The following TRHDE variants were observed in gnomAD, a reference collection of about 807,000 sequenced individuals.
TRHDE encodes the protein thyrotropin releasing hormone degrading enzyme, also known as thyrotropin-releasing hormone-degrading ectoenzyme.
Under a neutral mutation model 125.7 loss-of-function variants are expected in TRHDE, and 72 were observed. The ratio of observed to expected loss-of-function variants is 0.57; its 90% CI spans 0.47 to 0.70. The LOEUF (loss-of-function observed/expected upper bound fraction) is 0.70, where lower values mean the gene tolerates loss of function less well. TRHDE is among the 30% of genes least tolerant of loss of function. The pLI is 0.00. For synonymous variants in TRHDE, 509 were observed against 509.1 expected (o/e 1.00, Z 0.00); for missense variants, 1,110 against 1,327.1 (o/e 0.84, Z 2.54).
intron 4 of TRHDE, among the ~76,000 whole-genome samples, chr12:72,472,495 CA>C (rs2135901082): frequency 6.6e-6 from 1 of 152,236 alleles, no homozygotes; most frequent in East Asian, 1.9e-4. Flanking sequence ...TGAGGGACCT[CA>C]AAAACCCTTA....
intron 18 of TRHDE, among the ~76,000 whole-genome samples, chr12:72,660,220 C>T (rs1162646276): frequency 6.6e-6 from 1 of 152,168 alleles, no homozygotes; most frequent in African/African-American, 2.4e-5. Flanking sequence ...ACTATTTCTT[C>T]TACTGCTATC....
intron 2 of TRHDE, among the ~76,000 whole-genome samples, chr12:72,165,716 C>T (rs1876731253): frequency 6.6e-6 from 1 of 151,794 alleles, no homozygotes; most frequent in Admixed American, 6.6e-5. Flanking sequence ...CTCTATCGCC[C>T]AGGCTGGAGG....
intron 3 of TRHDE, among the ~76,000 whole-genome samples, chr12:72,416,861 C>T (rs1243321066): frequency 6.6e-5 from 10 of 151,842 alleles, no homozygotes; most frequent in Non-Finnish European, 1.2e-4. Context: ...CTATTCTGTG[C>T]CTTTTGTGGT....
intron 2 of TRHDE, among the ~76,000 whole-genome samples, chr12:72,351,519 A>G (rs1190753193): frequency 2.0e-5 from 3 of 151,898 alleles, no homozygotes; most frequent in Non-Finnish European, 4.4e-5. Context: ...AGAAATTATG[A>G]AAGAGGCATT....
At chr12:72,601,864 ACTTT>A (rs1592565396) in intron 12 of TRHDE, among the ~76,000 whole-genome samples, 1 of 152,128 alleles carries the variant, frequency 6.6e-6, no homozygotes, top group Admixed American at 6.6e-5. Flanking sequence ...AAAATTTGTG[ACTTT>A]CTTTCTTATA....
At chr12:72,572,609 G>T (rs1022354244) in intron 10 of TRHDE, among the ~76,000 whole-genome samples, 2 of 151,912 alleles carry the variant, frequency 1.3e-5, no homozygotes, top group African/African-American at 4.8e-5. Context: ...CAGCGATCTC[G>T]TTTGTAACAA....
intron 7 of TRHDE, among the ~76,000 whole-genome samples, chr12:72,544,618 T>C (rs1435824446): frequency 6.6e-6 from 1 of 151,366 alleles, no homozygotes; most frequent in East Asian, 1.9e-4. Context: ...GACCTTAAAC[T>C]TCATGTTCCA....
intron 2 of TRHDE, chr12:72,257,285 A>G (rs1878841042): frequency 6.6e-6 from 1 of 152,178 alleles, no homozygotes; most frequent in Non-Finnish European, 1.5e-5. Context: ...ACTTTAGGTA[A>G]TGGGTTACAG....
At chr12:72,331,121 CT>C (rs1869574975) in intron 2 of TRHDE, among the ~76,000 whole-genome samples, 2 of 152,140 alleles carry the variant, frequency 1.3e-5, no homozygotes, top group African/African-American at 4.8e-5. Context: ...CTCATTTAAT[CT>C]TTACAAAACT....
intron 5 of TRHDE, 127 bp downstream of exon 5, chr12:72,473,307 A>T: frequency 1.6e-6 from 1 of 630,330 alleles, no homozygotes; most frequent in South Asian, 2.4e-5. Flanking sequence ...ATAAAGTGTA[A>T]CCAAAAATTG....
intron 3 of TRHDE, among the ~76,000 whole-genome samples, chr12:72,428,499 C>T (rs1238266288): frequency 2.6e-5 from 4 of 151,856 alleles, no homozygotes; most frequent in Non-Finnish European, 5.9e-5. Flanking sequence ...AATGACAAAG[C>T]CTGGATTAAT....
intron 15 of TRHDE, among the ~76,000 whole-genome samples, chr12:72,634,277 A>G (rs1370779540): frequency 6.6e-6 from 1 of 152,164 alleles, no homozygotes; most frequent in East Asian, 1.9e-4. Context: ...ATAGAAAGAA[A>G]TGAGAATAGA....
At chr12:72,167,882 T>C (rs1387476253) in intron 2 of TRHDE, among the ~76,000 whole-genome samples, 1 of 152,202 alleles carries the variant, frequency 6.6e-6, no homozygotes, top group African/African-American at 2.4e-5. Context: ...CCTAAGTATC[T>C]AAGAGAAGAC....
At chr12:72,238,315 T>TACAC (rs1180837379) in intron 2 of TRHDE, among the ~76,000 whole-genome samples, 3 of 32,024 alleles carry the variant, frequency 9.4e-5, no homozygotes, top group African/African-American at 3.6e-4. Context: ...TATATATATA[T>TACAC]ATATATACAT....
intron 6 of TRHDE, among the ~76,000 whole-genome samples, chr12:72,533,314 A>G (rs984941021): frequency 3.3e-5 from 5 of 152,056 alleles, no homozygotes; most frequent in Non-Finnish European, 5.9e-5. Flanking sequence ...AGCTGGAACT[A>G]CAGGTGTGCA....
At chr12:72,397,940 G>A (rs1408423851) in intron 3 of TRHDE, among the ~76,000 whole-genome samples, 1 of 150,638 alleles carries the variant, frequency 6.6e-6, no homozygotes, top group East Asian at 2.0e-4. Context: ...CCACTAACTC[G>A]TCATCTAGCA....
intron 12 of TRHDE, chr12:72,582,380 A>G (rs982894266): frequency 1.4e-5 from 14 of 985,272 alleles, no homozygotes; most frequent in Non-Finnish European, 1.7e-5. Context: ...TGGAAACAGC[A>G]TTGTTAAAAT....
At chr12:72,202,181 T>G (rs1877572804) in intron 2 of TRHDE, among the ~76,000 whole-genome samples, 1 of 152,170 alleles carries the variant, frequency 6.6e-6, no homozygotes, top group East Asian at 1.9e-4. Flanking sequence ...GCCTGGGTTC[T>G]TGTTTCTTTG....
chr12:72,310,925 T>C (rs969837096), intron 2 of TRHDE, among the ~76,000 whole-genome samples: 3 of 152,174 alleles, frequency 2.0e-5, no homozygotes, highest in East Asian at 3.8e-4. Context: ...TGGAGTATTA[T>C]TGGAGAAAAA....
Sources: allele counts gnomAD v4.1 joint callset (sites outside exome capture counted in the v4.1 genomes callset), GRCh38; gene constraint gnomAD v4.1.1; transcripts MANE v1.5; gene names NCBI Gene and HGNC (gene_info 2026-07-23, HGNC 2026-07-21).